HIVEP3: variants seen among roughly 807,000 people sequenced by gnomAD.
The protein encoded by HIVEP3 is transcription factor HIVEP3.
HIVEP3 carries 49 observed loss-of-function variants against 152.8 expected under a neutral mutation model. The ratio of observed to expected loss-of-function variants is 0.32; its 90% CI spans 0.26 to 0.41. The LOEUF is 0.41. Among genes scored for constraint, HIVEP3 ranks in the 10% least tolerant of loss-of-function variants. HIVEP3 has a pLI of 1.00. For missense variants in HIVEP3, 2,790 were observed against 3,103.3 expected, an observed-to-expected ratio of 0.90 and a Z score of 2.40; for synonymous variants, 1,269 against 1,289.0, an observed-to-expected ratio of 0.98 and a Z score of 0.33.
intron 1 of HIVEP3, among the ~76,000 whole-genome samples, chr1:41,712,640 C>A (rs1240345191): frequency 1.3e-5 from 2 of 152,204 alleles, no homozygotes; most frequent in Non-Finnish European, 2.9e-5. Flanking sequence ...GGGAAACCAG[C>A]GTCCTGAGCT....
At chr1:41,916,035 T>C (rs1644866287) in intron 1 of HIVEP3, among the ~76,000 whole-genome samples, 1 of 152,158 alleles carries the variant, frequency 6.6e-6, no homozygotes, top group Non-Finnish European at 1.5e-5. Context: ...GAGAGACAAG[T>C]TAAATGCTAT....
Position 41,510,756 on chromosome 1 carries a change from G to A in HIVEP3, c.6916C>T (p.His2306Tyr). 3 of 1,589,926 alleles carry A rather than the reference G, an allele frequency of 1.9e-6. No homozygotes were observed. Among genetic ancestry groups the A allele is most frequent in the South Asian group, 1.1e-5 (1 of 88,794 alleles). ...GTGTCGGGTGGGGTGCAGGGGCTGTGCGTGGGTGTGGGCTCTGCAGGTGCC... is the reference window on the plus strand; with the variant it reads ...GTGTCGGGTGGGGTGCAGGGGCTGTACGTGGGTGTGGGCTCTGCAGGTGCC... ...TGAPAEPTPT[H>Y]SPCTPPDTLP... Residue 2306 changes from histidine to tyrosine, a missense_variant, in exon 9 of 9, where the codon CAC becomes TAC. Coordinates refer to ENST00000372583, the MANE Select transcript of HIVEP3 (RefSeq NM_024503.5).
chr1:41,946,425 C>T (rs1333860642), intron 1 of HIVEP3, among the ~76,000 whole-genome samples: 1 of 152,192 alleles, frequency 6.6e-6, no homozygotes, highest in African/African-American at 2.4e-5. Flanking sequence ...GTCTTACTTT[C>T]CTGTCCCAGA....
In HIVEP3 at chr1:41,582,496, C is replaced by G. The variant is rs1320131784; in HGVS notation, c.2302G>C (p.Glu768Gln). The G allele has an allele frequency of 1.2e-6, 2 of 1,612,610 alleles. No individual in the cohort carries two copies. Among genetic ancestry groups the G allele is most frequent in the South Asian group, 2.2e-5 (2 of 90,880 alleles). Residue 768 changes from glutamate to glutamine, a missense_variant, in exon 4 of 9, where the codon GAG (glutamate) becomes CAG (glutamine). Glu to Gln is a conservative substitution (Grantham distance 29, BLOSUM62 2). Transcript: ENST00000372583. This position sits in a 1 kb window ranked among gnomAD's most constrained non-coding sequence, Gnocchi z 4.7. ...AEPSKSVPSL[E>Q]GPTGFQPRTP... is the part of the protein sequence containing the mutation. Reference sequence around the variant, plus strand: ...CTTGGCTGGAAGCCCGTGGGTCCCTCCAAGGAGGGCACTGATTTACTTGGT... The same window carrying G: ...CTTGGCTGGAAGCCCGTGGGTCCCTGCAAGGAGGGCACTGATTTACTTGGT...
At chr1:41,924,804 T>C (rs1218475837) in intron 1 of HIVEP3, among the ~76,000 whole-genome samples, 24 of 152,194 alleles carry the variant, frequency 1.6e-4, no homozygotes. Context: ...TTTGTTCTTC[T>C]CTTTGGGTAC....
intron 1 of HIVEP3, among the ~76,000 whole-genome samples, chr1:41,718,382 C>A (rs1017944399): frequency 2.0e-5 from 3 of 152,234 alleles, no homozygotes; most frequent in Non-Finnish European, 4.4e-5. Flanking sequence ...TGTAAAATGG[C>A]ACTAAGATGG....
intron 1 of HIVEP3, among the ~76,000 whole-genome samples, chr1:41,963,757 C>A (rs943930496): frequency 1.3e-5 from 2 of 152,044 alleles, no homozygotes; most frequent in African/African-American, 4.8e-5. Context: ...CATGAAGAAG[C>A]AAAATGTCTT....
intron 3 of HIVEP3, among the ~76,000 whole-genome samples, chr1:41,602,619 CCT>C (rs1644764014): frequency 1.3e-5 from 2 of 151,872 alleles, no homozygotes; most frequent in Admixed American, 1.3e-4. Context: ...ATTTGAGTCT[CCT>C]CTCTTTTTTT....
chr1:41,892,921 A>T (rs1644468696), intron 1 of HIVEP3, among the ~76,000 whole-genome samples: 1 of 151,990 alleles, frequency 6.6e-6, no homozygotes, highest in Non-Finnish European at 1.5e-5. Flanking sequence ...GGAGTTCAAG[A>T]CCAGCCAGGG....
chr1:41,620,227 C>G (rs370893625), intron 3 of HIVEP3, among the ~76,000 whole-genome samples: 13 of 152,212 alleles, frequency 8.5e-5, no homozygotes, highest in African/African-American at 3.1e-4. Context: ...TTTCCACTCG[C>G]TTTCCCACAC....
At position 41,937,999 on chromosome 1, in the gene HIVEP3, T is replaced by C. The variant is rs138796489; in HGVS notation, n.120-19475A>G. Among the ~76,000 whole-genome samples, 21 of 152,336 alleles carry C rather than the reference T, an allele frequency of 1.4e-4. No individual in the cohort carries two copies. The East Asian group carries it at 4.0e-3, about 29-fold the overall frequency. On this transcript the variant is annotated intron_variant and non_coding_transcript_variant, in intron 1 of 3. Coordinates refer to the HIVEP3 transcript ENST00000489103. ...TTAACACCACTGTATGTGTCTGGGG[T>C]GTGTCACCAGCTTTCTTTAAGGTCT...
At chr1:41,738,494 T>C (rs1646950602) in intron 1 of HIVEP3, among the ~76,000 whole-genome samples, 1 of 152,206 alleles carries the variant, frequency 6.6e-6, no homozygotes, top group African/African-American at 2.4e-5. Flanking sequence ...AAGAAATTCA[T>C]TGACTCTTCT....
intron 1 of HIVEP3, among the ~76,000 whole-genome samples, chr1:41,802,070 C>G (rs909451456): frequency 6.6e-6 from 1 of 152,196 alleles, no homozygotes; most frequent in African/African-American, 2.4e-5. Flanking sequence ...GCCACAAGTT[C>G]AAACTCTGCT....
intron 1 of HIVEP3, among the ~76,000 whole-genome samples, chr1:41,931,210 T>G (rs917197067): frequency 2.6e-5 from 4 of 152,132 alleles, no homozygotes; most frequent in Non-Finnish European, 5.9e-5. Context: ...TATTTTCTCC[T>G]GTGATTTTTT....
At position 41,744,328 on chromosome 1, in the gene HIVEP3, C is replaced by T. The variant is rs564609335; in HGVS notation, c.-800-43333G>A. ...TGCTGGGATTACAGGTGTGAGCCAT[C>T]ACGCCTGGCCCAGCCAGCCTTTTAA... On this transcript the variant is annotated intron_variant, in intron 1 of 8. Transcript: ENST00000372583. Among the ~76,000 whole-genome samples the T allele has an allele frequency of 2.6e-5, 4 of 152,338 alleles. No homozygotes were observed. In the South Asian group the frequency reaches 8.3e-4, roughly 32 times the overall value.
At chr1:41,754,927 T>A (rs1166437636) in intron 1 of HIVEP3, among the ~76,000 whole-genome samples, 1 of 152,206 alleles carries the variant, frequency 6.6e-6, no homozygotes, top group Non-Finnish European at 1.5e-5. Context: ...TAGTACCACC[T>A]TTCAGGAGCA....
rs965872541 is a variant in HIVEP3, at chr1:41,918,269, C to G, written c.-801+144G>C. 1.3e-5 allele frequency: 2 copies of G among 153,996 alleles called. No individual in the cohort carries two copies. Among genetic ancestry groups the G allele is most frequent in the East Asian group, 3.8e-4 (2 of 5,246 alleles). The allele number at this position is 153,996 out of a possible 1,614,324, so 9.5% of individuals were successfully genotyped here. A position where few individuals can be genotyped will look rare whatever the true frequency, so the allele number is the denominator to read the frequency against. ...CGGCCCCTGCGTCTCGGCAGCCGGACACCTTGCCTAAGAAAGGCATACACA... is the reference window on the plus strand; with the variant it reads ...CGGCCCCTGCGTCTCGGCAGCCGGAGACCTTGCCTAAGAAAGGCATACACA... On this transcript the variant is annotated intron_variant, in intron 1 of 8. Coordinates refer to ENST00000372583, the MANE Select transcript of HIVEP3 (RefSeq NM_024503.5). The surrounding 1 kb of genome is among the most constrained non-coding windows in gnomAD (Gnocchi z 4.3).
chr1:41,677,092 T>G (rs924677838), intron 2 of HIVEP3, among the ~76,000 whole-genome samples: 1 of 152,172 alleles, frequency 6.6e-6, no homozygotes, highest in South Asian at 2.1e-4. Context: ...GGTGATCTGA[T>G]GACATTATAT....
intron 1 of HIVEP3, among the ~76,000 whole-genome samples, chr1:41,726,074 C>G (rs1038929872): frequency 5.3e-5 from 8 of 152,206 alleles, no homozygotes; most frequent in African/African-American, 1.9e-4. Context: ...TCTATAAAAA[C>G]TAAATCATAC....
Sources: gnomAD v4.1 joint callset for allele counts (sites outside exome capture counted in the v4.1 genomes callset) on GRCh38, gnomAD v4.1.1 for gene constraint, Gnocchi (gnomAD v3.1) non-coding constraint, MANE v1.5 for transcripts, NCBI Gene and HGNC (gene_info 2026-07-23, HGNC 2026-07-21) for gene names.